Variants in VEZT observed in about 807,000 individuals in gnomAD.
VEZT encodes the protein vezatin.
A neutral mutation model predicts 79.9 loss-of-function variants in VEZT; 39 were observed. The ratio of observed to expected loss-of-function variants is 0.49; its 90% confidence interval spans 0.38 to 0.64. The LOEUF (loss-of-function observed/expected upper bound fraction) is 0.64, where lower values mean the gene tolerates loss of function less well. Ranked by LOEUF, VEZT falls within the 30% of genes least tolerant of loss-of-function variation. The probability of loss-of-function intolerance (pLI) is 0.00; values close to 1 mark genes in which losing one functional copy is unlikely to be tolerated. For synonymous variants in VEZT, 325 were observed against 327.6 expected (o/e 0.99, Z 0.09); for missense variants, 837 against 893.1 (o/e 0.94, Z 0.80).
chr12:95,268,033 T>C (rs10859863), intron 5 of VEZT, among the ~76,000 whole-genome samples: 73,464 of 151,770 alleles, frequency 0.48, 18,125 homozygotes, highest in African/African-American at 0.57. Context: ...TCTGTCTAGG[T>C]TGGGCAACAG....
intron 3 of VEZT, among the ~76,000 whole-genome samples, chr12:95,261,226 G>A (rs1178303764): frequency 2.0e-5 from 3 of 152,014 alleles, no homozygotes; most frequent in East Asian, 3.9e-4. Context: ...TATGATCAGC[G>A]AGGCCTGGAA....
At chr12:95,256,475 T>C in intron 2 of VEZT, 1 of 772,224 alleles carries the variant, frequency 1.3e-6, no homozygotes, top group South Asian at 1.8e-5. Context: ...TTCTTTATAT[T>C]GTCTCTTCTT....
Position 95,266,460 on chromosome 12 carries a change from C to G in VEZT, c.538C>G (p.Leu180Val). ...ATGGGGAGTGATTCTATTTGTGTAT[C>G]TGGTCATAAGAGCTTTGAGATTATG... Reference protein sequence around the residue: ...LVWGVILFVYLVIRALRLWRT... With the variant: ...LVWGVILFVYVVIRALRLWRT... Residue 180 changes from leucine (L) to valine (V), a missense_variant, in exon 5 of 12, where the codon CTG becomes GTG. Leu to Val is a conservative substitution (Grantham distance 32). Transcript: ENST00000436874. 6.2e-7 allele frequency: 1 copy of G among 1,613,832 alleles called. No homozygotes were observed. The highest frequency in any genetic ancestry group is 8.5e-7 in the Non-Finnish European group (1 of 1,179,846).
rs559097036 is a variant in VEZT, at chr12:95,281,123, A to G, written c.997-1190A>G. 2.0e-5 allele frequency among the ~76,000 whole-genome samples: 3 copies of G among 152,266 alleles called. No homozygotes were observed. In the South Asian group the frequency reaches 6.2e-4, roughly 31 times the overall value. On this transcript the variant is annotated intron_variant, in intron 7 of 11. Coordinates refer to ENST00000436874, the MANE Select transcript of VEZT (RefSeq NM_017599.4). ...TATTCCCTGCTACCTCTTGTTTCAT[A>G]CTACATTGTTTCCTCATGCATTTGT...
intron 2 of VEZT, chr12:95,252,301 T>A (rs2062732062): frequency 8.6e-6 from 3 of 347,644 alleles, no homozygotes; most frequent in Non-Finnish European, 1.5e-5. Flanking sequence ...TTAAAATACA[T>A]TACTTATTTA....
At chr12:95,283,918 A>G (rs1188753702) in intron 8 of VEZT, among the ~76,000 whole-genome samples, 2 of 152,232 alleles carry the variant, frequency 1.3e-5, no homozygotes, top group Admixed American at 1.3e-4. Context: ...GATTGTCCTC[A>G]AAGGAAAATA....
chr12:95,289,333 C>T (rs1246835819), intron 9 of VEZT, among the ~76,000 whole-genome samples: 9 of 137,334 alleles, frequency 6.6e-5, no homozygotes, highest in Admixed American at 5.6e-4. Context: ...AGGAGAATGG[C>T]GTGAACCCAG....
chr12:95,275,553 G>A (rs890834257), intron 7 of VEZT, among the ~76,000 whole-genome samples: 3 of 150,676 alleles, frequency 2.0e-5, no homozygotes, highest in Non-Finnish European at 4.4e-5. Flanking sequence ...CTCCAGCCTG[G>A]GTGACAATAG....
Position 95,252,023 on chromosome 12 carries a change from A to G in VEZT, c.120A>G (p.Lys40=). The change falls in exon 2 of 12, where the codon AAA becomes AAG. Residue 40 remains lysine (K), a synonymous_variant. Coordinates refer to ENST00000436874, the MANE Select transcript of VEZT (RefSeq NM_017599.4). ...ICSSLSPKTE[K]CTTEGQQKPP... is the part of the protein sequence containing the mutation. ...CTTCTTTGTCACCAAAAACAGAAAA[A>G]TGCACAACAGAGGGACAACAAAAGC... 1 of 1,613,032 alleles carries G rather than the reference A, an allele frequency of 6.2e-7. No homozygotes were observed. Among genetic ancestry groups the G allele is most frequent in the South Asian group, 1.1e-5 (1 of 90,896 alleles).
chr12:95,279,498 A>T (rs2068520509), intron 7 of VEZT, among the ~76,000 whole-genome samples: 2 of 152,236 alleles, frequency 1.3e-5, no homozygotes, highest in Admixed American at 1.3e-4. Context: ...TTATCTCCTT[A>T]TCCAGAGGAG....
chr12:95,289,417 CAAAAAAAAAAAA>C (rs146728004), intron 9 of VEZT, among the ~76,000 whole-genome samples: 120 of 69,496 alleles, frequency 1.7e-3, no homozygotes, highest in African/African-American at 6.0e-3. Context: ...ACTCTTGTCT[CAAAAAAAAAAAA>C]AAAAAAAAAA....
At chr12:95,225,152 C>G (rs1221537954) in intron 1 of VEZT, among the ~76,000 whole-genome samples, 2 of 152,106 alleles carry the variant, frequency 1.3e-5, no homozygotes, top group Non-Finnish European at 2.9e-5. Context: ...TGTCTATGTG[C>G]CATAAGCAGA....
At chr12:95,270,400 T>C (rs1219908930) in intron 6 of VEZT, among the ~76,000 whole-genome samples, 1 of 152,200 alleles carries the variant, frequency 6.6e-6, no homozygotes, top group Admixed American at 6.5e-5. Context: ...CTGTGACTGC[T>C]TTTTAAACAA....
intron 4 of VEZT, among the ~76,000 whole-genome samples, chr12:95,265,597 T>A (rs898926266): frequency 2.0e-5 from 3 of 151,938 alleles, no homozygotes; most frequent in Admixed American, 1.3e-4. Flanking sequence ...TTTATTTTTT[T>A]AAAAGTGGTT....
chr12:95,247,500 A>T (rs1279193297), intron 1 of VEZT, among the ~76,000 whole-genome samples: 2 of 150,916 alleles, frequency 1.3e-5, no homozygotes, highest in Non-Finnish European at 3.0e-5. Flanking sequence ...TTTTTTCATT[A>T]ACATATGTTG....
intron 1 of VEZT, chr12:95,224,341 T>A (rs1196707478): frequency 4.5e-6 from 2 of 443,926 alleles, no homozygotes; most frequent in Admixed American, 4.9e-5. Flanking sequence ...TTTGACAGGG[T>A]CTTGCACTGT....
intron 3 of VEZT, chr12:95,258,247 G>A: frequency 2.2e-6 from 1 of 455,692 alleles, no homozygotes; most frequent in Non-Finnish European, 4.4e-6. Flanking sequence ...TTATCCAGGT[G>A]GAGCCATCTC....
At chr12:95,285,292 A>G (rs2070423240) in intron 8 of VEZT, among the ~76,000 whole-genome samples, 1 of 146,622 alleles carries the variant, frequency 6.8e-6, no homozygotes, top group Non-Finnish European at 1.5e-5. Context: ...AAAAATACAA[A>G]AATTAGCCAG....
At chr12:95,277,044 A>G (rs982523597) in intron 7 of VEZT, among the ~76,000 whole-genome samples, 31 of 151,706 alleles carry the variant, frequency 2.0e-4, no homozygotes, top group African/African-American at 7.0e-4. Flanking sequence ...AGTCCCAGCC[A>G]CCATGCTAGT....
Sources: gnomAD v4.1 joint callset for allele counts (sites outside exome capture counted in the v4.1 genomes callset) on GRCh38, gnomAD v4.1.1 for gene constraint, MANE v1.5 for transcripts, NCBI Gene and HGNC (gene_info 2026-07-23, HGNC 2026-07-21) for gene names.